FBN2: variants seen among roughly 807,000 people sequenced by gnomAD.
The protein encoded by FBN2 is fibrillin 2.
In FBN2, 105 loss-of-function variants were observed where a neutral mutation model predicts 355.6. The observed-to-expected ratio is 0.30, with a 90% CI of 0.25 to 0.35. The LOEUF (loss-of-function observed/expected upper bound fraction) is 0.35, where lower values mean the gene tolerates loss of function less well. Ranked by LOEUF, FBN2 falls within the 10% of genes least tolerant of loss-of-function variation. The pLI is 1.00. For missense variants in FBN2, 3,280 were observed against 3,758.7 expected (o/e 0.87, Z 3.33); for synonymous variants, 1,350 against 1,301.2 (o/e 1.04, Z -0.81).
intron 23 of FBN2, 64 bp from the exon 24 acceptor site, chr5:128,345,648 C>G (rs1751160931): frequency 2.8e-6 from 4 of 1,429,996 alleles, no homozygotes; most frequent in Middle Eastern, 1.7e-4. Context: ...AGTCACATGT[C>G]AAGCGTCTGC....
chr5:128,437,531 C>T (rs1213137301), intron 7 of FBN2, among the ~76,000 whole-genome samples: 1 of 152,036 alleles, frequency 6.6e-6, no homozygotes, highest in East Asian at 1.9e-4. Flanking sequence ...ATGGGGGCCT[C>T]ATAACCACCA....
chr5:128,456,940 C>T (rs1016120049), intron 6 of FBN2, among the ~76,000 whole-genome samples: 2 of 152,078 alleles, frequency 1.3e-5, no homozygotes, highest in Admixed American at 6.6e-5. Context: ...CAGAGCTAAA[C>T]GAAGGATCAG....
chr5:128,422,870 A>G (rs1753386885), intron 7 of FBN2, among the ~76,000 whole-genome samples: 1 of 152,170 alleles, frequency 6.6e-6, no homozygotes, highest in African/African-American at 2.4e-5. Context: ...TTTTCCAAAC[A>G]CATAGCACTG....
At chr5:128,415,814 A>T (rs1160144317) in intron 7 of FBN2, among the ~76,000 whole-genome samples, 1 of 152,196 alleles carries the variant, frequency 6.6e-6, no homozygotes, top group African/African-American at 2.4e-5. Flanking sequence ...TTACATTACC[A>T]CCAACAGTGT....
In FBN2 at chr5:128,330,589, A is replaced by G. The variant is rs777630883; in HGVS notation, c.4329T>C (p.Asp1443=). 24 of 1,614,150 alleles carry G rather than the reference A, an allele frequency of 1.5e-5. No individual in the cohort carries two copies. Among genetic ancestry groups the G allele is most frequent in the Non-Finnish European group, 2.0e-5 (24 of 1,179,982 alleles). ...GTCACCCACCTGAGCAGGTAAAGCC[A>G]TCACCAGTGAAACCTTCGGAGCAGG... is the stretch of plus-strand genomic sequence containing the variant. ...RCACSEGFTG[D]GFTCSDVDEC... Residue 1443 remains aspartate (D), a synonymous_variant, in exon 33 of 65, where the codon GAT becomes GAC. Coordinates refer to ENST00000262464, the MANE Select transcript of FBN2 (RefSeq NM_001999.4).
At chr5:128,397,650 T>G (rs1164349810) in intron 8 of FBN2, among the ~76,000 whole-genome samples, 1 of 152,210 alleles carries the variant, frequency 6.6e-6, no homozygotes, top group East Asian at 1.9e-4. Context: ...AATTAAAATA[T>G]CCTGGATAAA....
chr5:128,506,186 G>C (rs1327185714), intron 5 of FBN2, among the ~76,000 whole-genome samples: 1 of 152,122 alleles, frequency 6.6e-6, no homozygotes, highest in African/African-American at 2.4e-5. Context: ...TGCTCTACTG[G>C]ACTTCATACA....
intron 5 of FBN2, among the ~76,000 whole-genome samples, chr5:128,497,089 A>G (rs1755674810): frequency 6.6e-6 from 1 of 152,206 alleles, no homozygotes; most frequent in African/African-American, 2.4e-5. Flanking sequence ...AAATAGAAAA[A>G]GAACAAATTG....
intron 34 of FBN2, among the ~76,000 whole-genome samples, chr5:128,327,025 A>T (rs954003519): frequency 2.0e-5 from 3 of 152,222 alleles, no homozygotes; most frequent in Non-Finnish European, 4.4e-5. Flanking sequence ...TTCTCCCACT[A>T]ACTCTTGTCA....
At chr5:128,409,109 C>G (rs1753004262) in intron 7 of FBN2, among the ~76,000 whole-genome samples, 1 of 152,102 alleles carries the variant, frequency 6.6e-6, no homozygotes, top group Non-Finnish European at 1.5e-5. Flanking sequence ...TCTACATCAA[C>G]TAGGGAATTA....
chr5:128,312,942 T>C (rs1000639579), intron 36 of FBN2, 147 bp from the exon 37 acceptor site: 1 of 903,074 alleles, frequency 1.1e-6, no homozygotes, highest in African/African-American at 1.6e-5. Flanking sequence ...AGCAATCTCC[T>C]GCTTTTCAGC....
intron 8 of FBN2, among the ~76,000 whole-genome samples, chr5:128,400,938 C>A (rs937841058): frequency 6.6e-6 from 1 of 152,076 alleles, no homozygotes; most frequent in Non-Finnish European, 1.5e-5. Context: ...ATGCTATTCT[C>A]ATGGTAGTGA....
intron 7 of FBN2, among the ~76,000 whole-genome samples, chr5:128,413,665 T>A (rs1328518913): frequency 6.6e-6 from 1 of 152,136 alleles, no homozygotes; most frequent in African/African-American, 2.4e-5. Context: ...CAGATATCAA[T>A]GAATTCTAAG....
At chr5:128,280,022 G>A (rs1303608204) in intron 56 of FBN2, among the ~76,000 whole-genome samples, 170 bp downstream of exon 56, 1 of 152,092 alleles carries the variant, frequency 6.6e-6, no homozygotes, top group Non-Finnish European at 1.5e-5. Context: ...ACACACACAT[G>A]TACAAATATA....
intron 5 of FBN2, among the ~76,000 whole-genome samples, chr5:128,482,305 G>C (rs1755215030): frequency 6.6e-6 from 1 of 152,040 alleles, no homozygotes; most frequent in Non-Finnish European, 1.5e-5. Flanking sequence ...CGCCCAGCAA[G>C]AGGACGATGA....
chr5:128,506,468 C>A (rs925297215), intron 5 of FBN2, among the ~76,000 whole-genome samples: 11 of 152,082 alleles, frequency 7.2e-5, no homozygotes, highest in African/African-American at 2.7e-4. Flanking sequence ...TTCAACTGAT[C>A]ATTGTTAGAT....
At chr5:128,442,571 C>A (rs1753950498) in intron 7 of FBN2, among the ~76,000 whole-genome samples, 1 of 151,882 alleles carries the variant, frequency 6.6e-6, no homozygotes, top group South Asian at 2.1e-4. Context: ...TGGTTTATTC[C>A]ACCAAAGAAT....
In FBN2 at chr5:128,276,068, C is replaced by T. The variant is rs772270285; in HGVS notation, c.7564G>A (p.Val2522Ile). 1 of 1,613,782 alleles carries T rather than the reference C, an allele frequency of 6.2e-7. No homozygotes were observed. The highest frequency in any genetic ancestry group is 8.5e-7 in the Non-Finnish European group (1 of 1,179,824). ...SYQCSCPRGYVLQEDGKTCKD... is the reference protein window; with the variant it reads ...SYQCSCPRGYILQEDGKTCKD... ...CATGTCTTTCCATCCTCTTGCAGGA[C>T]ATACCCCCTCGGACATGAACACTGA... Residue 2522 changes from valine (V) to isoleucine (I), a missense_variant, in exon 59 of 65, where the codon GTC (valine) becomes ATC (isoleucine). Transcript: ENST00000262464.
chr5:128,425,904 A>G (rs1753470916), intron 7 of FBN2, among the ~76,000 whole-genome samples: 1 of 152,214 alleles, frequency 6.6e-6, no homozygotes, highest in South Asian at 2.1e-4. Flanking sequence ...TTCTCTTGAC[A>G]GTTTACATTC....
Sources: gnomAD v4.1 joint callset for allele counts (sites outside exome capture counted in the v4.1 genomes callset) on GRCh38, gnomAD v4.1.1 for gene constraint, MANE v1.5 for transcripts, NCBI Gene and HGNC (gene_info 2026-07-23, HGNC 2026-07-21) for gene names.